The following PMIS2 variants were observed in gnomAD, a reference collection of about 807,000 sequenced individuals.
The protein encoded by PMIS2 is transmembrane protein PMIS2.
At chr19:35,586,274 A>G (rs1164324677) in exon 1 of PMIS2, 3 of 398,728 alleles carry the variant, frequency 7.5e-6, no homozygotes, top group Admixed American at 4.4e-5. Context: ...CCCTGAAACC[A>G]CCTTCTGCCA....
chr19:35,586,862 G>T, intron 1 of PMIS2, 114 bp from the exon 2 acceptor site: 1 of 397,542 alleles, frequency 2.5e-6, no homozygotes, highest in Middle Eastern at 6.3e-4. Context: ...ACAGGCGTGA[G>T]CCACTGCACC....
At chr19:35,586,884 G>A in intron 1 of PMIS2, 92 bp from the exon 2 acceptor site, 1 of 397,984 alleles carries the variant, frequency 2.5e-6, no homozygotes, top group Non-Finnish European at 4.4e-6. Context: ...AGCCTACCCT[G>A]TCCTCCATTT....
Sources: gnomAD v4.1 joint callset for allele counts on GRCh38, gnomAD v4.1.1 for gene constraint, MANE v1.5 for transcripts, NCBI Gene and HGNC (gene_info 2026-07-23, HGNC 2026-07-21) for gene names.